The following KDM5B variants were observed in gnomAD, a reference collection of about 807,000 sequenced individuals.
KDM5B encodes the protein lysine demethylase 5B.
In KDM5B, 144 loss-of-function variants were observed where a neutral mutation model predicts 193.4. The ratio of observed to expected loss-of-function variants is 0.74; its 90% CI spans 0.65 to 0.86. The LOEUF (loss-of-function observed/expected upper bound fraction) is 0.86, where lower values mean the gene tolerates loss of function less well. KDM5B is among the 40% of genes least tolerant of loss of function. KDM5B has a pLI of 0.00. For missense variants in KDM5B, 1,833 were observed against 1,886.9 expected, an observed-to-expected ratio of 0.97 and a Z score of 0.53; for synonymous variants, 668 against 682.6, an observed-to-expected ratio of 0.98 and a Z score of 0.33.
At chr1:202,792,648 T>C (rs1420665194) in intron 1 of KDM5B, among the ~76,000 whole-genome samples, 2 of 152,194 alleles carry the variant, frequency 1.3e-5, no homozygotes, top group Non-Finnish European at 2.9e-5. Context: ...ACTATTGTTA[T>C]TAATGAATTC....
At chr1:202,808,015 C>CCCCCGCGCCTCGGGCCT in intron 1 of KDM5B, 87 bp downstream of exon 1, 1 of 1,343,334 alleles carries the variant, frequency 7.4e-7, no homozygotes, top group East Asian at 2.7e-5. Flanking sequence ...GGCTCCCCGC[C>CCCCCGCGCCTCGGGCCT]CCCCGCGCCT....
At chr1:202,739,766 T>G (rs1655234659) in intron 20 of KDM5B, among the ~76,000 whole-genome samples, 1 of 152,220 alleles carries the variant, frequency 6.6e-6, no homozygotes, top group African/African-American at 2.4e-5. Context: ...ACACAGCACA[T>G]GTTTCAGAGA....
chr1:202,777,692 G>A (rs1657016185), intron 1 of KDM5B, among the ~76,000 whole-genome samples: 1 of 151,814 alleles, frequency 6.6e-6, no homozygotes, highest in Non-Finnish European at 1.5e-5. Context: ...ACGAGGTGTA[G>A]GTACATGTAT....
intron 20 of KDM5B, among the ~76,000 whole-genome samples, chr1:202,736,653 T>TC: frequency 6.6e-6 from 1 of 152,090 alleles, no homozygotes; most frequent in South Asian, 2.1e-4. Context: ...GTTTTTTTTT[T>TC]CTTTTTTTAA....
chr1:202,741,691 T>C lies in KDM5B; in HGVS notation c.2621A>G (p.Gln874Arg). The change falls in exon 19 of 27, where the codon CAG becomes CGG. Residue 874 changes from glutamine (Q) to arginine (R), a missense_variant. Coordinates refer to ENST00000367265, the MANE Select transcript of KDM5B (RefSeq NM_006618.5). ...DLLNRVEDFQ[Q>R]HSQKLLSEET... Reference sequence around the variant, plus strand: ...CTCAGAGAGTAGTTTCTGACTATGCTGTTGAAAATCTTCTACACGATTCAA... The same window carrying C: ...CTCAGAGAGTAGTTTCTGACTATGCCGTTGAAAATCTTCTACACGATTCAA... The C allele has an allele frequency of 6.2e-7, 1 of 1,612,462 alleles. No individual in the cohort carries two copies. The highest frequency in any genetic ancestry group is 1.1e-5 in the South Asian group (1 of 91,058).
chr1:202,785,340 T>C (rs748414181), intron 1 of KDM5B, among the ~76,000 whole-genome samples: 17 of 152,330 alleles, frequency 1.1e-4, no homozygotes, highest in Middle Eastern at 3.4e-3. Context: ...TTTAACCTCC[T>C]CTATATTTTC....
chr1:202,786,489 C>T (rs146395624), intron 1 of KDM5B, among the ~76,000 whole-genome samples: 103 of 152,230 alleles, frequency 6.8e-4, no homozygotes, highest in Non-Finnish European at 7.2e-4. Flanking sequence ...AGCCAGCAAA[C>T]CTAGGTATGG....
intron 1 of KDM5B, 143 bp downstream of exon 1, chr1:202,807,959 C>T: frequency 1.3e-6 from 1 of 784,910 alleles, no homozygotes; most frequent in East Asian, 3.1e-5. Flanking sequence ...GCCTCAACTC[C>T]GACCTTCTAG....
chr1:202,760,980 AT>A (rs1330585519), intron 7 of KDM5B, among the ~76,000 whole-genome samples: 1 of 151,530 alleles, frequency 6.6e-6, no homozygotes, highest in East Asian at 1.9e-4. Flanking sequence ...GTGAGCCCTT[AT>A]TGCACCACTG....
At chr1:202,789,295 T>C (rs896163248) in intron 1 of KDM5B, among the ~76,000 whole-genome samples, 19 of 151,902 alleles carry the variant, frequency 1.3e-4, no homozygotes, top group Non-Finnish European at 2.1e-4. Context: ...CCAAGGCGGG[T>C]GGATCACTTG....
intron 1 of KDM5B, among the ~76,000 whole-genome samples, chr1:202,783,148 T>C (rs1245045746): frequency 6.6e-6 from 1 of 152,110 alleles, no homozygotes; most frequent in Non-Finnish European, 1.5e-5. Context: ...TCATTCTTTA[T>C]AACCAGCTAC....
intron 1 of KDM5B, among the ~76,000 whole-genome samples, chr1:202,781,862 C>G (rs566225728): frequency 1.6e-4 from 25 of 152,304 alleles, no homozygotes; most frequent in African/African-American, 6.0e-4. Context: ...CTAAGACTTA[C>G]AGGTGATATA....
chr1:202,788,700 C>T (rs1287317886), intron 1 of KDM5B, among the ~76,000 whole-genome samples: 6 of 152,088 alleles, frequency 3.9e-5, no homozygotes, highest in African/African-American at 1.4e-4. Flanking sequence ...AGATCCTTCC[C>T]CCTACATCAA....
chr1:202,754,427 C>G (rs1655927709), intron 11 of KDM5B, among the ~76,000 whole-genome samples: 2 of 152,006 alleles, frequency 1.3e-5, no homozygotes, highest in South Asian at 4.2e-4. Context: ...AGTAAAGAAG[C>G]CCAAATATCT....
intron 1 of KDM5B, among the ~76,000 whole-genome samples, chr1:202,787,853 A>G (rs1003148923): frequency 6.6e-6 from 1 of 151,790 alleles, no homozygotes; most frequent in Admixed American, 6.6e-5. Context: ...TCACACCACC[A>G]TTGCACTCCA....
At chr1:202,784,316 A>G (rs921813197) in intron 1 of KDM5B, among the ~76,000 whole-genome samples, 1 of 152,204 alleles carries the variant, frequency 6.6e-6, no homozygotes, top group South Asian at 2.1e-4. Context: ...GACAAAACCA[A>G]TTAGAAATCA....
intron 1 of KDM5B, among the ~76,000 whole-genome samples, chr1:202,788,040 C>T (rs539279579): frequency 7.9e-5 from 12 of 152,294 alleles, no homozygotes; most frequent in East Asian, 3.9e-4. Flanking sequence ...CCCTATTGAA[C>T]GCCCTGCAGA....
chr1:202,734,034 T>C, intron 22 of KDM5B, 148 bp from the exon 23 acceptor site: 1 of 985,236 alleles, frequency 1.0e-6, no homozygotes, highest in Admixed American at 2.5e-5. Flanking sequence ...GTGAGTGACC[T>C]GGTGCCATGT....
chr1:202,737,537 C>CA (rs1330635786), intron 20 of KDM5B, among the ~76,000 whole-genome samples: 1 of 152,140 alleles, frequency 6.6e-6, no homozygotes, highest in African/African-American at 2.4e-5. Context: ...GTAGGTCATC[C>CA]AGATATATCT....
Sources: gnomAD v4.1 joint callset for allele counts (sites outside exome capture counted in the v4.1 genomes callset) on GRCh38, gnomAD v4.1.1 for gene constraint, MANE v1.5 for transcripts, NCBI Gene and HGNC (gene_info 2026-07-23, HGNC 2026-07-21) for gene names.